The following MED28 variants were observed in gnomAD, a reference collection of about 807,000 sequenced individuals.
The protein encoded by MED28 is mediator complex subunit 28.
MED28 carries 26 observed loss-of-function variants against 21.3 expected under a neutral mutation model. The ratio of observed to expected loss-of-function variants is 1.22; its 90% CI spans 0.89 to 1.69. The LOEUF (loss-of-function observed/expected upper bound fraction) is 1.69. Among genes scored for constraint, MED28 ranks in the 40% most tolerant of loss-of-function variants. The pLI is 0.00. For missense variants in MED28, 257 were observed against 215.4 expected (o/e 1.19, Z -1.21); for synonymous variants, 110 against 87.6 (o/e 1.26, Z -1.43).
intron 1 of MED28, among the ~76,000 whole-genome samples, chr4:17,619,514 C>CA (rs1714555886): frequency 6.6e-6 from 1 of 152,154 alleles, no homozygotes; most frequent in Admixed American, 6.5e-5. Context: ...AAAGGGTAGA[C>CA]CGGCTGCTGT....
chr4:17,618,548 G>T (rs963057119), intron 1 of MED28, among the ~76,000 whole-genome samples: 3 of 151,748 alleles, frequency 2.0e-5, no homozygotes, highest in South Asian at 2.1e-4. Flanking sequence ...ACAGATTCTC[G>T]CCCTGTCACC....
rs543092765 is a variant in MED28, at chr4:17,618,099, C to T, written c.160-1802C>T. The stretch of plus-strand genomic sequence containing the variant: ...CGATGTTGGGTCACTGCAACCTCCA[C>T]TTCCTGGGCTCAAGTGGTCCTCTTG... On this transcript the variant is annotated intron_variant, in intron 1 of 3. Coordinates refer to ENST00000237380, the MANE Select transcript of MED28 (RefSeq NM_025205.5). 8.0e-5 allele frequency among the ~76,000 whole-genome samples: 12 copies of T among 149,246 alleles called. No homozygotes were observed. The South Asian group carries it at 2.6e-3, about 32-fold the overall frequency.
chr4:17,630,395 C>T lies in MED28; in HGVS notation c.*6597C>T, dbSNP rs1047671711. 6.6e-6 allele frequency: 1 copy of T among 152,134 alleles called. No individual in the cohort carries two copies. Among genetic ancestry groups the T allele is most frequent in the African/African-American group, 2.4e-5 (1 of 41,428 alleles). The allele number at this position is 152,134 out of a possible 1,614,324, so 9.4% of individuals were successfully genotyped here. A position where few individuals can be genotyped will look rare whatever the true frequency, so the allele number is the denominator to read the frequency against. On this transcript the variant is annotated 3_prime_UTR_variant, in exon 4 of 4. Coordinates refer to ENST00000237380, the MANE Select transcript of MED28 (RefSeq NM_025205.5). ...CTCATGAGTAGGATAAGTACCCTTA[C>T]AAAAGAGGCTCAGGGAGGCGCTCTT...
chr4:17,621,876 A>G (rs1297610373), intron 3 of MED28, among the ~76,000 whole-genome samples, 177 bp downstream of exon 3: 10 of 152,340 alleles, frequency 6.6e-5, no homozygotes, highest in African/African-American at 1.7e-4. Flanking sequence ...AGTAAAGCCA[A>G]GGAGTGGGGT....
In MED28 at chr4:17,623,637, G is replaced by A; in HGVS notation, c.376G>A (p.Asp126Asn). The A allele has an allele frequency of 6.2e-7, 1 of 1,614,224 alleles. No homozygotes were observed. The highest frequency in any genetic ancestry group is 8.5e-7 in the Non-Finnish European group (1 of 1,180,050). The part of the protein sequence containing the change: ...SELRNELQRK[D>N]ALVQKHLTKL... Reference sequence around the variant, plus strand: ...ACTAAGGAATGAATTACAGCGGAAAGATGCACTAGTCCAGAAGCACTTGAC... The same window carrying A: ...ACTAAGGAATGAATTACAGCGGAAAAATGCACTAGTCCAGAAGCACTTGAC... Residue 126 changes from aspartate (D) to asparagine (N), a missense_variant, in exon 4 of 4, where the codon GAT becomes AAT. Physicochemically the swap from Asp to Asn is conservative, Grantham distance 23. Transcript: ENST00000237380.
chr4:17,620,157 C>T (rs539780524), intron 2 of MED28, 190 bp downstream of exon 2: 8 of 589,692 alleles, frequency 1.4e-5, no homozygotes, highest in East Asian at 2.9e-5. Flanking sequence ...TCACCCATAA[C>T]GAATCATTTA....
intron 1 of MED28, among the ~76,000 whole-genome samples, chr4:17,616,043 C>T (rs979450879): frequency 6.6e-6 from 1 of 152,090 alleles, no homozygotes; most frequent in Non-Finnish European, 1.5e-5. Context: ...TTACTGCAAC[C>T]TCCGCCTCCC....
chr4:17,625,748 C>G lies in MED28; in HGVS notation c.*1950C>G. ...ATCACAAGCCATCTTCTCAAGTTCC[C>G]CTAGAAACCTGTGGAATGCCCTCTG... On this transcript the variant is annotated 3_prime_UTR_variant, in exon 4 of 4. Coordinates refer to ENST00000237380, the MANE Select transcript of MED28 (RefSeq NM_025205.5). The G allele has an allele frequency of 2.3e-6, 1 of 427,814 alleles. No homozygotes were observed. Among genetic ancestry groups the G allele is most frequent in the Non-Finnish European group, 4.6e-6 (1 of 217,068 alleles). The allele number at this position is 427,814 out of a possible 1,614,324, so 26.5% of individuals were successfully genotyped here.
rs1279062630 is a variant in MED28 at position 17,614,730 on chromosome 4, C to G, written c.76C>G (p.Gln26Glu). Residue 26 changes from glutamine (Q) to glutamate (E), a missense_variant, in exon 1 of 4, where the codon CAA becomes GAA. Physicochemically the swap from Gln to Glu is conservative, Grantham distance 29. Coordinates refer to ENST00000237380, the MANE Select transcript of MED28 (RefSeq NM_025205.5). The stretch of plus-strand genomic sequence containing the variant: ...TCAGGCCCCGCCGGGCCTTCCGGGC[C>G]AAGCTTCGCTTCTTCAGGCAGCTCC... ...PPQAPPGLPG[Q>E]ASLLQAAPGA... is the part of the protein sequence containing the mutation. 4 of 1,614,136 alleles carry G rather than the reference C, an allele frequency of 2.5e-6. No individual in the cohort carries two copies. Among genetic ancestry groups the G allele is most frequent in the African/African-American group, 2.7e-5 (2 of 74,960 alleles).
chr4:17,633,872 T>C lies in MED28; in HGVS notation c.*10074T>C. The C allele has an allele frequency of 6.5e-7, 1 of 1,549,080 alleles. No individual in the cohort carries two copies. The highest frequency in any genetic ancestry group is 8.7e-7 in the Non-Finnish European group (1 of 1,145,802). On this transcript the variant is annotated 3_prime_UTR_variant, in exon 4 of 4. Transcript: ENST00000237380. Reference sequence around the variant, plus strand: ...CACGCTGACCACGCGGCTGGGCACGTCCTCCACCTTCTTTTTCTGTTTGTA... The same window carrying C: ...CACGCTGACCACGCGGCTGGGCACGCCCTCCACCTTCTTTTTCTGTTTGTA...
Position 17,630,808 on chromosome 4 carries a change from G to A in MED28, c.*7010G>A, listed in dbSNP as rs907572936. On this transcript the variant is annotated 3_prime_UTR_variant, in exon 4 of 4. Coordinates refer to ENST00000237380, the MANE Select transcript of MED28 (RefSeq NM_025205.5). ...TTTTTTTTTAAGATGGTGTGATTGA[G>A]GTTAATGTGAACTGAACTTTCTATT... 2 of 151,898 alleles carry A rather than the reference G, an allele frequency of 1.3e-5. No homozygotes were observed. Among genetic ancestry groups the A allele is most frequent in the East Asian group, 1.9e-4 (1 of 5,180 alleles). The allele number at this position is 151,898 out of a possible 1,614,324, so 9.4% of individuals were successfully genotyped here.
chr4:17,614,916 C>T, intron 1 of MED28, 103 bp downstream of exon 1: 1 of 1,350,722 alleles, frequency 7.4e-7, no homozygotes. Context: ...AACTAATTCA[C>T]AAATGGGGAA....
At chr4:17,623,465 G>A in intron 3 of MED28, 136 bp from the exon 4 acceptor site, 1 of 769,626 alleles carries the variant, frequency 1.3e-6, no homozygotes, top group Non-Finnish European at 2.1e-6. Context: ...ATCAAATAGT[G>A]GAGCCAAGCA....
chr4:17,621,532 A>ATATT, intron 2 of MED28, 55 bp from the exon 3 acceptor site: 1 of 1,185,366 alleles, frequency 8.4e-7, no homozygotes, highest in Non-Finnish European at 1.2e-6. Flanking sequence ...TATGAGGGAG[A>ATATT]TAAATGAGTC....
chr4:17,617,962 C>T (rs1292304008), intron 1 of MED28, among the ~76,000 whole-genome samples: 1 of 151,410 alleles, frequency 6.6e-6, no homozygotes, highest in Non-Finnish European at 1.5e-5. Context: ...CTTAATACAG[C>T]TGTCCAACTG....
At chr4:17,618,024 T>TC (rs1714504482) in intron 1 of MED28, among the ~76,000 whole-genome samples, 1 of 148,508 alleles carries the variant, frequency 6.7e-6, no homozygotes, top group South Asian at 2.2e-4. Flanking sequence ...TTTTTTTTTT[T>TC]TTTTTGAGAC....
In MED28 at chr4:17,630,349, T is replaced by C. The variant is rs773388127; in HGVS notation, c.*6551T>C. The C allele has an allele frequency of 1.3e-5, 2 of 152,042 alleles. No individual in the cohort carries two copies. The highest frequency in any genetic ancestry group is 2.9e-5 in the Non-Finnish European group (2 of 68,016). 9.4% of individuals were successfully genotyped at this position (152,042 alleles called of 1,614,324 possible). A position where few individuals can be genotyped will look rare whatever the true frequency, so the allele number is the denominator to read the frequency against. Reference sequence around the variant, plus strand: ...AAGAGGTGGGGCTTTTGGGAAGCAATGGAGTCATGAGGGCTTCACCCTCAT... The same window carrying C: ...AAGAGGTGGGGCTTTTGGGAAGCAACGGAGTCATGAGGGCTTCACCCTCAT... On this transcript the variant is annotated 3_prime_UTR_variant, in exon 4 of 4. Coordinates refer to ENST00000237380, the MANE Select transcript of MED28 (RefSeq NM_025205.5).
At chr4:17,614,912 T>C (rs1414661862) in intron 1 of MED28, 99 bp downstream of exon 1, 2 of 1,373,650 alleles carry the variant, frequency 1.5e-6, no homozygotes, top group Non-Finnish European at 2.0e-6. Flanking sequence ...GAGCAACTAA[T>C]TCACAAATGG....
intron 3 of MED28, among the ~76,000 whole-genome samples, chr4:17,623,014 A>C (rs2108918262): frequency 6.6e-6 from 1 of 152,306 alleles, no homozygotes; most frequent in African/African-American, 2.4e-5. Flanking sequence ...ATTCAAGATG[A>C]GATTGGGTGG....
Sources: allele counts gnomAD v4.1 joint callset (sites outside exome capture counted in the v4.1 genomes callset), GRCh38; gene constraint gnomAD v4.1.1; transcripts MANE v1.5; gene names NCBI Gene and HGNC (gene_info 2026-07-23, HGNC 2026-07-21).